CNBD1: variants seen among roughly 807,000 people sequenced by gnomAD.
CNBD1 encodes cyclic nucleotide binding domain containing 1.
CNBD1 carries 71 observed loss-of-function variants against 54.4 expected under a neutral mutation model. The ratio of observed to expected loss-of-function variants is 1.30; its 90% CI spans 1.08 to 1.59. CNBD1 has a LOEUF of 1.59. CNBD1 is among the 40% of genes most tolerant of loss of function. The pLI, the probability that CNBD1 is intolerant of heterozygous loss-of-function variation, is 0.00. For synonymous variants in CNBD1, 182 were observed against 170.7 expected (o/e 1.07, Z -0.51); for missense variants, 659 against 518.0 (o/e 1.27, Z -2.64).
intron 4 of CNBD1, among the ~76,000 whole-genome samples, chr8:87,121,263 C>T (rs1329891140): frequency 6.6e-6 from 1 of 150,762 alleles, no homozygotes; most frequent in Admixed American, 6.6e-5. Context: ...AAATTTTGTG[C>T]AAATACTAAG....
At chr8:87,224,163 T>G (rs186520116) in intron 5 of CNBD1, among the ~76,000 whole-genome samples, 2,736 of 152,100 alleles carry the variant, frequency 0.018, 80 homozygotes, top group African/African-American at 0.062. Context: ...GATGGGTAGG[T>G]TGCGAAAATT....
chr8:87,300,102 G>T (rs1808955115), intron 8 of CNBD1, among the ~76,000 whole-genome samples: 1 of 152,030 alleles, frequency 6.6e-6, no homozygotes, highest in Admixed American at 6.6e-5. Context: ...ATGCAAATCA[G>T]TTATCCATAA....
intron 3 of CNBD1, among the ~76,000 whole-genome samples, chr8:86,918,780 T>C (rs889298179): frequency 7.0e-6 from 1 of 143,154 alleles, no homozygotes; most frequent in Non-Finnish European, 1.5e-5. Context: ...AACAAACTAA[T>C]ACACATGCTA....
At chr8:87,267,283 A>G (rs182970124) in intron 6 of CNBD1, among the ~76,000 whole-genome samples, 1 of 152,194 alleles carries the variant, frequency 6.6e-6, no homozygotes, top group Non-Finnish European at 1.5e-5. Flanking sequence ...TACCATAAAT[A>G]ATTTGTACAT....
chr8:87,111,452 T>C (rs1811660029), intron 4 of CNBD1, among the ~76,000 whole-genome samples: 1 of 152,234 alleles, frequency 6.6e-6, no homozygotes, highest in Non-Finnish European at 1.5e-5. Context: ...TATTCCCCTT[T>C]TCTCAGTGTG....
chr8:87,059,079 C>T, intron 4 of CNBD1, among the ~76,000 whole-genome samples: 1 of 152,202 alleles, frequency 6.6e-6, no homozygotes, highest in African/African-American at 2.4e-5. Flanking sequence ...AGCTGCCAGT[C>T]TCTTTGCTAA....
chr8:87,330,638 T>A (rs1361441797), intron 8 of CNBD1, among the ~76,000 whole-genome samples: 4 of 152,164 alleles, frequency 2.6e-5, no homozygotes, highest in Non-Finnish European at 4.4e-5. Flanking sequence ...TTCCATTCTA[T>A]TCTGAGAGAA....
chr8:86,983,322 A>C (rs954302909), intron 4 of CNBD1, among the ~76,000 whole-genome samples: 1 of 152,226 alleles, frequency 6.6e-6, no homozygotes. Flanking sequence ...CTTTAAGTCC[A>C]TTAAACCTCT....
chr8:87,109,161 G>C (rs1202226344), intron 4 of CNBD1, among the ~76,000 whole-genome samples: 11 of 151,910 alleles, frequency 7.2e-5, no homozygotes, highest in Admixed American at 7.2e-4. Context: ...CTCACCACCG[G>C]GAAATAATTT....
chr8:86,939,106 G>A (rs1809603819), intron 3 of CNBD1, among the ~76,000 whole-genome samples: 1 of 152,020 alleles, frequency 6.6e-6, no homozygotes, highest in South Asian at 2.1e-4. Flanking sequence ...ATCTCTTAGG[G>A]ATTTAGGTGT....
chr8:87,416,613 T>G (rs1807840591), intron 2 of CNBD1, among the ~76,000 whole-genome samples: 1 of 152,010 alleles, frequency 6.6e-6, no homozygotes, highest in African/African-American at 2.4e-5. Context: ...CTGGTCATTC[T>G]CTGGAAGATT....
At chr8:86,875,365 C>G (rs1205897529) in intron 1 of CNBD1, among the ~76,000 whole-genome samples, 1 of 152,118 alleles carries the variant, frequency 6.6e-6, no homozygotes, top group African/African-American at 2.4e-5. Context: ...ACCTTTCACC[C>G]TACCTACTCC....
In CNBD1 at chr8:86,866,523, A is replaced by G; in HGVS notation, c.28A>G (p.Ile10Val). The change falls in exon 1 of 11, where the codon ATT becomes GTT. Residue 10 changes from isoleucine (I) to valine (V), a missense_variant. Coordinates refer to ENST00000518476, the MANE Select transcript of CNBD1 (RefSeq NM_173538.3). ...GCCGATGTCTTCTCTTCCAGCAGCT[A>G]TTTTGTCTCACATGACAGCTATTAA... MPMSSLPAA[I>V]LSHMTAINNV... 6.2e-7 allele frequency: 1 copy of G among 1,612,174 alleles called. No individual in the cohort carries two copies. The highest frequency in any genetic ancestry group is 8.5e-7 in the Non-Finnish European group (1 of 1,179,266).
intron 4 of CNBD1, among the ~76,000 whole-genome samples, chr8:87,114,396 G>C (rs1196196831): frequency 6.6e-6 from 1 of 152,122 alleles, no homozygotes; most frequent in Non-Finnish European, 1.5e-5. Context: ...TGTTGCCCAG[G>C]CTAGAGTGCA....
intron 4 of CNBD1, among the ~76,000 whole-genome samples, chr8:87,125,160 T>C (rs1811966349): frequency 6.6e-6 from 1 of 151,750 alleles, no homozygotes; most frequent in Non-Finnish European, 1.5e-5. Flanking sequence ...AATTGAAAGA[T>C]ATCCTGTGTT....
intron 1 of CNBD1, among the ~76,000 whole-genome samples, chr8:86,869,330 T>C (rs574256146): frequency 7.2e-6 from 1 of 139,792 alleles, no homozygotes; most frequent in South Asian, 2.4e-4. Context: ...GCGTCATCTG[T>C]GTAAACAAAC....
chr8:86,979,959 T>C (rs183027461), intron 4 of CNBD1, among the ~76,000 whole-genome samples: 1 of 152,370 alleles, frequency 6.6e-6, no homozygotes, highest in Admixed American at 6.5e-5. Flanking sequence ...TAATAAAGAA[T>C]TGAGCTTCTA....
intron 4 of CNBD1, among the ~76,000 whole-genome samples, chr8:87,118,081 C>T (rs902641766): frequency 1.1e-4 from 17 of 151,886 alleles, no homozygotes; most frequent in South Asian, 6.3e-4. Flanking sequence ...TTTGGGAGGC[C>T]GAGGCGGGCG....
At chr8:87,029,745 G>T (rs902516035) in intron 4 of CNBD1, among the ~76,000 whole-genome samples, 6 of 151,810 alleles carry the variant, frequency 4.0e-5, no homozygotes, top group Non-Finnish European at 8.8e-5. Flanking sequence ...TGGGAGAAAA[G>T]ATATTTATGG....
Sources: gnomAD v4.1 joint callset for allele counts (sites outside exome capture counted in the v4.1 genomes callset) on GRCh38, gnomAD v4.1.1 for gene constraint, MANE v1.5 for transcripts, NCBI Gene and HGNC (gene_info 2026-07-23, HGNC 2026-07-21) for gene names.